Variants in ANO4 observed in about 807,000 individuals in gnomAD.
ANO4 encodes anoctamin 4.
In ANO4, 69 loss-of-function variants were observed where a neutral mutation model predicts 141.9. The observed-to-expected ratio is 0.49, with a 90% CI of 0.40 to 0.59. ANO4 has a LOEUF of 0.59. Ranked by LOEUF, ANO4 falls within the 20% of genes least tolerant of loss-of-function variation. ANO4 has a pLI of 0.00. For missense variants in ANO4, 894 were observed against 1,162.2 expected, an observed-to-expected ratio of 0.77 and a Z score of 3.36; for synonymous variants, 350 against 394.3, an observed-to-expected ratio of 0.89 and a Z score of 1.33.
In ANO4 at chr12:100,988,332, T is replaced by TGCAGG. The variant is rs532431029; in HGVS notation, c.734+673_734+677dup. ...GAGATGACAAGAAATGATGGCTGGA[T>TGCAGG]GCAGGGCAGGGCAGGCAGGAGGACA... On this transcript the variant is annotated intron_variant, in intron 8 of 27. Transcript: ENST00000392977. 7.0e-4 allele frequency among the ~76,000 whole-genome samples: 106 copies of TGCAGG among 152,156 alleles called. 1 individual carries two copies. In the South Asian group the frequency reaches 0.022, roughly 31 times the overall value.
At chr12:100,970,938 C>T (rs554575923) in intron 5 of ANO4, among the ~76,000 whole-genome samples, 37 of 152,256 alleles carry the variant, frequency 2.4e-4, no homozygotes, top group African/African-American at 8.2e-4. Context: ...AGTCTGGTCT[C>T]GAACTCCTGA....
intron 8 of ANO4, among the ~76,000 whole-genome samples, chr12:100,988,544 TAAA>T (rs72390438): frequency 0.17 from 22,674 of 133,558 alleles, 1,834 homozygotes; most frequent in African/African-American, 0.19. Flanking sequence ...GTGATGGATT[TAAA>T]AAAAAAAAAA....
intron 8 of ANO4, among the ~76,000 whole-genome samples, chr12:101,010,342 G>A (rs2046035132): frequency 6.6e-6 from 1 of 152,134 alleles, no homozygotes; most frequent in African/African-American, 2.4e-5. Flanking sequence ...ATGATATCAT[G>A]AAGTACAATT....
intron 1 of ANO4, among the ~76,000 whole-genome samples, chr12:100,833,518 A>G (rs1331028949): frequency 1.3e-5 from 2 of 152,062 alleles, no homozygotes; most frequent in African/African-American, 2.4e-5. Flanking sequence ...ATGTTCTACC[A>G]TTTACTACCT....
At chr12:100,776,766 A>G (rs1314767066) in intron 3 of ANO4, among the ~76,000 whole-genome samples, 1 of 152,220 alleles carries the variant, frequency 6.6e-6, no homozygotes, top group Non-Finnish European at 1.5e-5. Flanking sequence ...CAACAAGAGG[A>G]AAAGTGAATA....
chr12:100,759,189 G>A (rs1201169963), intron 3 of ANO4, among the ~76,000 whole-genome samples: 6 of 152,104 alleles, frequency 3.9e-5, no homozygotes, highest in African/African-American at 1.4e-4. Context: ...TCAAGTTTTT[G>A]GATGCCAAAT....
rs372521580 is a variant in ANO4 at position 100,987,564 on chromosome 12, C to T, written c.628C>T (p.Arg210Trp). ...GATCGATAAACAAATAAGCAGGTTT[C>T]GGAGATGGTTACCTAAGAAGCCAAT... ...SRIDKQISRF[R>W]RWLPKKPMRL... The change falls in exon 8 of 28, where the codon CGG becomes TGG. Residue 210 changes from arginine (R) to tryptophan (W), a missense_variant. By Grantham distance (101) the Arg-to-Trp change is moderately radical (BLOSUM62 -3). Transcript: ENST00000392977. 3.9e-5 allele frequency: 63 copies of T among 1,613,822 alleles called. No homozygotes were observed. Among genetic ancestry groups the T allele is most frequent in the African/African-American group, 2.1e-4 (16 of 74,894 alleles).
At chr12:100,995,186 A>G (rs982329399) in intron 8 of ANO4, among the ~76,000 whole-genome samples, 20 of 152,178 alleles carry the variant, frequency 1.3e-4, no homozygotes, top group Admixed American at 6.6e-5. Context: ...TCCAAAAGAC[A>G]GTGTTTCAGT....
intron 1 of ANO4, among the ~76,000 whole-genome samples, chr12:100,814,053 G>A (rs1178330913): frequency 6.6e-6 from 1 of 152,062 alleles, no homozygotes; most frequent in African/African-American, 2.4e-5. Flanking sequence ...TCCCCTCCCT[G>A]TTCTTACCAC....
chr12:100,806,556 T>TTTTTTTTTTTTTTTTTA, intron 1 of ANO4, among the ~76,000 whole-genome samples: 1 of 82,270 alleles, frequency 1.2e-5, no homozygotes, highest in Non-Finnish European at 2.3e-5. Context: ...TTTTTTTTTT[T>TTTTTTTTTTTTTTTTTA]TTTTGTGAGA....
At position 101,042,751 on chromosome 12, in the gene ANO4, CTT is replaced by C. The variant is rs368195655; in HGVS notation, c.1154+289_1154+290del. ...TTCATTCACTGGCTATAAGTGCTCTCTTTTTTTACTTTTTCACTTTTTTTCTT... is the reference window on the plus strand; with the variant it reads ...TTCATTCACTGGCTATAAGTGCTCTCTTTTTACTTTTTCACTTTTTTTCTT... On this transcript the variant is annotated intron_variant, in intron 12 of 27. Transcript: ENST00000392977. Among the ~76,000 whole-genome samples the C allele has an allele frequency of 1.3e-3, 203 of 152,296 alleles. 2 individuals are homozygous for C. Among genetic ancestry groups the C allele is most frequent in the African/African-American group, 4.4e-3 (183 of 41,558 alleles).
chr12:100,727,902 T>C (rs2031201634), intron 1 of ANO4, among the ~76,000 whole-genome samples: 1 of 152,220 alleles, frequency 6.6e-6, no homozygotes, highest in South Asian at 2.1e-4. Flanking sequence ...CTTGTACTTT[T>C]ACTTCAATCT....
chr12:100,845,114 G>A (rs1274939918), intron 1 of ANO4, among the ~76,000 whole-genome samples: 2 of 152,272 alleles, frequency 1.3e-5, no homozygotes, highest in East Asian at 3.9e-4. Context: ...GTGGCCAGAT[G>A]GAAGTCATTG....
chr12:100,833,339 A>G (rs1380702759), intron 1 of ANO4, among the ~76,000 whole-genome samples: 10 of 152,140 alleles, frequency 6.6e-5, no homozygotes, highest in Non-Finnish European at 1.5e-5. Flanking sequence ...ATACAAATGG[A>G]ATATATTGTC....
At chr12:101,016,288 G>A (rs2136470961) in intron 8 of ANO4, among the ~76,000 whole-genome samples, 1 of 152,214 alleles carries the variant, frequency 6.6e-6, no homozygotes, top group Admixed American at 6.5e-5. Context: ...GTGGTGGAAG[G>A]TGAAGAGAGA....
intron 1 of ANO4, among the ~76,000 whole-genome samples, chr12:100,801,872 T>A (rs2135666084): frequency 6.6e-6 from 1 of 152,310 alleles, no homozygotes; most frequent in Non-Finnish European, 1.5e-5. Context: ...GGATAGTTAA[T>A]AGGGTCTGGA....
chr12:101,024,301 A>T (rs2046646126), intron 9 of ANO4, among the ~76,000 whole-genome samples: 1 of 152,344 alleles, frequency 6.6e-6, no homozygotes, highest in Non-Finnish European at 1.5e-5. Context: ...AACTTATAAA[A>T]GTTATCATCT....
intron 1 of ANO4, among the ~76,000 whole-genome samples, chr12:100,858,737 C>CA (rs2038315966): frequency 6.6e-6 from 1 of 152,076 alleles, no homozygotes; most frequent in Non-Finnish European, 1.5e-5. Context: ...ATTTGGGGTC[C>CA]ATTTTCCCTC....
At chr12:100,789,644 A>G (rs1192241535) in intron 3 of ANO4, among the ~76,000 whole-genome samples, 2 of 152,206 alleles carry the variant, frequency 1.3e-5, no homozygotes, top group African/African-American at 2.4e-5. Flanking sequence ...GAGCTGGGAC[A>G]TGGCTGTTGT....
Sources: allele counts gnomAD v4.1 joint callset (sites outside exome capture counted in the v4.1 genomes callset), GRCh38; gene constraint gnomAD v4.1.1; transcripts MANE v1.5; gene names NCBI Gene and HGNC (gene_info 2026-07-23, HGNC 2026-07-21).